SLC25A36: variants seen among roughly 807,000 people sequenced by gnomAD.
SLC25A36 encodes epididymis secretory sperm binding protein.
A neutral mutation model predicts 35.3 loss-of-function variants in SLC25A36; 24 were observed. The ratio of observed to expected loss-of-function variants is 0.68; its 90% CI spans 0.49 to 0.96. The LOEUF is 0.96. SLC25A36 is among the 40% of genes least tolerant of loss of function. The pLI, the probability that SLC25A36 is intolerant of heterozygous loss-of-function variation, is 0.00. For synonymous variants in SLC25A36, 141 were observed against 132.2 expected (o/e 1.07, Z -0.46); for missense variants, 294 against 381.1 (o/e 0.77, Z 1.90).
At position 140,959,443 on chromosome 3, in the gene SLC25A36, AT is replaced by A. The variant is rs758118804; in HGVS notation, c.207-12del. On this transcript the variant is annotated intron_variant, in intron 2 of 6. Transcript: ENST00000324194. ...GACTTTGAAAGATATTTCTGATAGA[AT>A]TTTTTTTCTCTCTTTCAGGGTGATC... is the stretch of plus-strand genomic sequence containing the variant. 2.4e-5 allele frequency: 33 copies of A among 1,373,908 alleles called. No homozygotes were observed. The highest frequency in any genetic ancestry group is 1.1e-4 in the Admixed American group (4 of 35,824). 85.1% of individuals were successfully genotyped at this position (1,373,908 alleles called of 1,614,324 possible). A position where few individuals can be genotyped will look rare whatever the true frequency, so the allele number is the denominator to read the frequency against.
At chr3:140,968,695 T>C (rs1358236885) in intron 4 of SLC25A36, 1 of 984,004 alleles carries the variant, frequency 1.0e-6, no homozygotes, top group Non-Finnish European at 1.2e-6. Context: ...TCAAATTCTT[T>C]TGTGACTTGG....
chr3:140,976,213 AGT>A, intron 6 of SLC25A36, 45 bp from the exon 7 acceptor site: 1 of 1,223,302 alleles, frequency 8.2e-7, no homozygotes, highest in Non-Finnish European at 1.2e-6. Flanking sequence ...TAATTAGAAG[AGT>A]GTAAAGATAT....
At chr3:140,967,665 A>G (rs1934796313) in intron 4 of SLC25A36, among the ~76,000 whole-genome samples, 1 of 151,910 alleles carries the variant, frequency 6.6e-6, no homozygotes, top group South Asian at 2.1e-4. Context: ...TTTAAGCAGA[A>G]TTTTTCTGTT....
At chr3:140,955,848 C>T (rs1403640912) in intron 1 of SLC25A36, among the ~76,000 whole-genome samples, 2 of 152,134 alleles carry the variant, frequency 1.3e-5, no homozygotes, top group Non-Finnish European at 2.9e-5. Flanking sequence ...TGCCCCACCA[C>T]ACCTGGCTAA....
At position 140,978,817 on chromosome 3, in the gene SLC25A36, A is replaced by G. The variant is rs532363255; in HGVS notation, c.*2364A>G. 5.9e-5 allele frequency: 9 copies of G among 152,346 alleles called. No individual in the cohort carries two copies. The South Asian group carries it at 1.9e-3, about 32-fold the overall frequency. 9.4% of individuals were successfully genotyped at this position (152,346 alleles called of 1,614,324 possible). A position where few individuals can be genotyped will look rare whatever the true frequency, so the allele number is the denominator to read the frequency against. On this transcript the variant is annotated 3_prime_UTR_variant, in exon 7 of 7. Coordinates refer to ENST00000324194, the MANE Select transcript of SLC25A36 (RefSeq NM_001104647.3). ...TATGTATGACAGAGATAATTCAAAA[A>G]GGAAAACTATATATAAAAGTTGTAT...
At position 140,942,067 on chromosome 3, in the gene SLC25A36, G is replaced by A. The variant is rs1934015444; in HGVS notation, c.13G>A (p.Asp5Asn). The change falls in exon 1 of 7, where the codon GAC becomes AAC. Residue 5 changes from aspartate to asparagine, a missense_variant. By Grantham distance (23) the Asp-to-Asn change is conservative. Transcript: ENST00000324194. ...TGCGGGAGAGAGAATGAGCCAGAGGGACACGCTGGTGCATCTGTTTGCCGG... is the reference window on the plus strand; with the variant it reads ...TGCGGGAGAGAGAATGAGCCAGAGGAACACGCTGGTGCATCTGTTTGCCGG... MSQR[D>N]TLVHLFAGGC... 6.7e-7 allele frequency: 1 copy of A among 1,495,748 alleles called. No homozygotes were observed. The highest frequency in any genetic ancestry group is 9.0e-7 in the Non-Finnish European group (1 of 1,111,652). The allele number at this position is 1,495,748 out of a possible 1,614,324, so 92.7% of individuals were successfully genotyped here. A position where few individuals can be genotyped will look rare whatever the true frequency, so the allele number is the denominator to read the frequency against.
intron 3 of SLC25A36, among the ~76,000 whole-genome samples, chr3:140,960,501 A>G (rs1934600528): frequency 6.6e-6 from 1 of 152,238 alleles, no homozygotes; most frequent in African/African-American, 2.4e-5. Context: ...ATAGAACCAA[A>G]GGACTAGGAA....
intron 1 of SLC25A36, among the ~76,000 whole-genome samples, chr3:140,952,141 G>A (rs1254095395): frequency 2.6e-5 from 4 of 151,270 alleles, no homozygotes; most frequent in Non-Finnish European, 5.9e-5. Context: ...CTCAGCCTCC[G>A]GAGTAGCTGG....
Position 140,977,043 on chromosome 3 carries a change from C to T in SLC25A36, c.*590C>T, listed in dbSNP as rs1353201875. 2 of 152,146 alleles carry T rather than the reference C, an allele frequency of 1.3e-5. No homozygotes were observed. Among genetic ancestry groups the T allele is most frequent in the Non-Finnish European group, 2.9e-5 (2 of 68,026 alleles). 9.4% of individuals were successfully genotyped at this position (152,146 alleles called of 1,614,324 possible). A position where few individuals can be genotyped will look rare whatever the true frequency, so the allele number is the denominator to read the frequency against. ...AAAATGTTTTGGTTTCCACTGCTGA[C>T]AGGTGCTTGTTGTTTAGCCTAATGT... On this transcript the variant is annotated 3_prime_UTR_variant, in exon 7 of 7. Coordinates refer to ENST00000324194, the MANE Select transcript of SLC25A36 (RefSeq NM_001104647.3).
At chr3:140,953,837 G>A (rs1269023352) in intron 1 of SLC25A36, among the ~76,000 whole-genome samples, 1 of 152,136 alleles carries the variant, frequency 6.6e-6, no homozygotes, top group Non-Finnish European at 1.5e-5. Flanking sequence ...GTGCATGGTG[G>A]CATGTGCCTG....
intron 4 of SLC25A36, chr3:140,966,405 TATTACTGGCC>T (rs1934761788): frequency 3.5e-6 from 1 of 289,108 alleles, no homozygotes; most frequent in South Asian, 3.2e-5. Flanking sequence ...GGATGTGCAA[TATTACTGGCC>T]ATAGTGCAAA....
chr3:140,952,842 T>G (rs1341778029), intron 1 of SLC25A36, among the ~76,000 whole-genome samples: 1 of 152,250 alleles, frequency 6.6e-6, no homozygotes, highest in East Asian at 1.9e-4. Context: ...TCATGTTCAT[T>G]GAATACATTT....
intron 1 of SLC25A36, among the ~76,000 whole-genome samples, chr3:140,953,510 A>G (rs1426982156): frequency 1.3e-5 from 2 of 152,152 alleles, no homozygotes; most frequent in Non-Finnish European, 2.9e-5. Flanking sequence ...AGCCCCAAGT[A>G]GTTCATATAT....
chr3:140,968,165 TTTATTA>T (rs1482082901), intron 4 of SLC25A36: 1 of 941,298 alleles, frequency 1.1e-6, no homozygotes, highest in Non-Finnish European at 1.3e-6. Context: ...TTAGATTATA[TTTATTA>T]GATGTAATTA....
intron 1 of SLC25A36, among the ~76,000 whole-genome samples, chr3:140,948,017 G>A (rs1010018333): frequency 5.3e-5 from 8 of 152,038 alleles, no homozygotes; most frequent in African/African-American, 1.2e-4. Flanking sequence ...GCAGTGGCAC[G>A]ATCTCGGCTC....
chr3:140,978,259 T>A lies in SLC25A36; in HGVS notation c.*1806T>A, dbSNP rs1229519434. ...AAAGGCAAAATCAGTTTTCTTACCT[T>A]TGGAATTATTCGTACCTTTTATGGT... On this transcript the variant is annotated 3_prime_UTR_variant, in exon 7 of 7. Coordinates refer to ENST00000324194, the MANE Select transcript of SLC25A36 (RefSeq NM_001104647.3). The A allele has an allele frequency of 6.6e-6, 1 of 152,164 alleles. No homozygotes were observed. The highest frequency in any genetic ancestry group is 2.4e-5 in the African/African-American group (1 of 41,446). The allele number at this position is 152,164 out of a possible 1,614,324, so 9.4% of individuals were successfully genotyped here.
At chr3:140,949,873 T>C (rs948093224) in intron 1 of SLC25A36, among the ~76,000 whole-genome samples, 3 of 152,208 alleles carry the variant, frequency 2.0e-5, no homozygotes, top group African/African-American at 7.2e-5. Flanking sequence ...AACTATGTTA[T>C]TTAATAGCAA....
intron 5 of SLC25A36, among the ~76,000 whole-genome samples, chr3:140,971,753 G>A (rs1166893110): frequency 1.3e-5 from 2 of 152,174 alleles, no homozygotes; most frequent in Non-Finnish European, 2.9e-5. Flanking sequence ...TAAGTAACGA[G>A]ATGGTCCTAT....
Position 140,973,833 on chromosome 3 carries a change from T to C in SLC25A36, c.570T>C (p.Thr190=), listed in dbSNP as rs1478862395. The C allele has an allele frequency of 6.2e-7, 1 of 1,613,604 alleles. No individual in the cohort carries two copies. The highest frequency in any genetic ancestry group is 8.5e-7 in the Non-Finnish European group (1 of 1,179,764). Residue 190 remains threonine, a synonymous_variant, in exon 6 of 7, where the codon ACT becomes ACC. Transcript: ENST00000324194. ...MSASYAGISE[T]VIHFVIYESI... ...CTTCATATGCTGGTATATCAGAGACTGTTATCCATTTTGTTATTTATGAAA... is the reference window on the plus strand; with the variant it reads ...CTTCATATGCTGGTATATCAGAGACCGTTATCCATTTTGTTATTTATGAAA...
Sources: allele counts gnomAD v4.1 joint callset (sites outside exome capture counted in the v4.1 genomes callset), GRCh38; gene constraint gnomAD v4.1.1; transcripts MANE v1.5; gene names NCBI Gene and HGNC (gene_info 2026-07-23, HGNC 2026-07-21).